The following TENM3 variants were observed in gnomAD, a reference collection of about 807,000 sequenced individuals.
The protein encoded by TENM3 is teneurin transmembrane protein 3.
In TENM3, 63 loss-of-function variants were observed where a neutral mutation model predicts 255.1. The ratio of observed to expected loss-of-function variants is 0.25; its 90% CI spans 0.20 to 0.30. The LOEUF is 0.30. TENM3 is among the 10% of genes least tolerant of loss of function. The pLI, the probability that TENM3 is intolerant of heterozygous loss-of-function variation, is 1.00. For synonymous variants in TENM3, 1,306 were observed against 1,322.3 expected (o/e 0.99, Z 0.27); for missense variants, 2,929 against 3,461.1 (o/e 0.85, Z 3.86).
intron 3 of TENM3, among the ~76,000 whole-genome samples, chr4:182,595,369 T>A (rs942767561): frequency 2.0e-5 from 3 of 152,126 alleles, no homozygotes; most frequent in African/African-American, 7.2e-5. Flanking sequence ...CCTGGTATAA[T>A]AGTCAACATA....
intron 1 of TENM3, among the ~76,000 whole-genome samples, chr4:182,215,041 C>T (rs939046478): frequency 2.6e-5 from 4 of 152,148 alleles, no homozygotes; most frequent in Non-Finnish European, 4.4e-5. Flanking sequence ...AGTCATTTCT[C>T]GTGATTACAG....
intron 3 of TENM3, 103 bp downstream of exon 3, chr4:182,347,032 C>A: frequency 1.0e-6 from 1 of 975,362 alleles, no homozygotes; most frequent in Non-Finnish European, 1.5e-6. Flanking sequence ...TTCCTCTCAT[C>A]CTTCTTTCTC....
At chr4:181,539,524 T>C in the TENM3 span, among the ~76,000 whole-genome samples, 2 of 152,198 alleles carry the variant, frequency 1.3e-5, no homozygotes, top group Non-Finnish European at 1.5e-5. Context: ...TAAAACTTAA[T>C]ACGTTTATTC....
intron 3 of TENM3, among the ~76,000 whole-genome samples, chr4:182,390,479 G>T (rs143136428): frequency 3.9e-5 from 6 of 152,126 alleles, no homozygotes; most frequent in Non-Finnish European, 8.8e-5. Flanking sequence ...AGCAGAAAAT[G>T]GTCAGCTTTG....
At chr4:181,916,421 G>A in the TENM3 span, among the ~76,000 whole-genome samples, 15 of 152,212 alleles carry the variant, frequency 9.9e-5, no homozygotes, top group African/African-American at 3.6e-4. Flanking sequence ...TAACACAGAA[G>A]AGTAATACAT....
At chr4:181,763,465 A>T in the TENM3 span, among the ~76,000 whole-genome samples, 1 of 152,246 alleles carries the variant, frequency 6.6e-6, no homozygotes, top group Non-Finnish European at 1.5e-5. Flanking sequence ...ATGGCCCATG[A>T]GCTAAGAAAT....
intron 3 of TENM3, among the ~76,000 whole-genome samples, chr4:182,520,614 C>T (rs1738473330): frequency 6.6e-6 from 1 of 152,124 alleles, no homozygotes; most frequent in Non-Finnish European, 1.5e-5. Flanking sequence ...GCTGGCACAA[C>T]AGCTTGGCTG....
chr4:182,097,371 C>A, the TENM3 span, among the ~76,000 whole-genome samples: 2 of 152,104 alleles, frequency 1.3e-5, no homozygotes, highest in Non-Finnish European at 2.9e-5. Flanking sequence ...TTTCTTCTTC[C>A]TTGTTTGTTA....
the TENM3 span, among the ~76,000 whole-genome samples, chr4:181,726,989 C>T: frequency 1.3e-5 from 2 of 152,182 alleles, no homozygotes; most frequent in African/African-American, 4.8e-5. Context: ...TGGAGAGATG[C>T]ATACAGAAGG....
the TENM3 span, among the ~76,000 whole-genome samples, chr4:181,628,540 C>T: frequency 1.3e-5 from 2 of 152,278 alleles, no homozygotes; most frequent in Admixed American, 6.5e-5. Context: ...CCAGTTTCAG[C>T]TTTCTACATA....
chr4:182,665,549 T>C (rs1234713015), intron 6 of TENM3, among the ~76,000 whole-genome samples: 1 of 152,182 alleles, frequency 6.6e-6, no homozygotes, highest in Non-Finnish European at 1.5e-5. Context: ...TTTGTAAGGC[T>C]ATCATAGATA....
At chr4:182,105,152 A>C in the TENM3 span, among the ~76,000 whole-genome samples, 2 of 152,144 alleles carry the variant, frequency 1.3e-5, no homozygotes, top group African/African-American at 4.8e-5. Context: ...AGTCCAGGCT[A>C]CAGTGACCTG....
At chr4:182,314,518 C>G (rs904968023) in intron 1 of TENM3, among the ~76,000 whole-genome samples, 3 of 152,216 alleles carry the variant, frequency 2.0e-5, no homozygotes, top group Admixed American at 6.5e-5. Context: ...ATTCCTCTAT[C>G]TGGTCTTGTC....
At chr4:181,783,485 T>G in the TENM3 span, among the ~76,000 whole-genome samples, 1 of 152,174 alleles carries the variant, frequency 6.6e-6, no homozygotes, top group Non-Finnish European at 1.5e-5. Flanking sequence ...TCCCCAAATG[T>G]TCACATTATT....
the TENM3 span, among the ~76,000 whole-genome samples, chr4:181,923,739 A>T: frequency 6.6e-6 from 1 of 152,146 alleles, no homozygotes; most frequent in African/African-American, 2.4e-5. Context: ...TAGCCTGGAA[A>T]CATCATTTGA....
rs73011423 is a variant in TENM3, at chr4:182,345,900, C to G, written c.233-751C>G. ...ATACTCCCACTTTATTTTTAGAGTG[C>G]ACTTTATTTGCAAAGATTGGTTTAC... is the stretch of plus-strand genomic sequence containing the variant. On this transcript the variant is annotated intron_variant, in intron 2 of 27. Coordinates refer to ENST00000511685, the MANE Select transcript of TENM3 (RefSeq NM_001080477.4). 2.1e-3 allele frequency among the ~76,000 whole-genome samples: 322 copies of G among 152,146 alleles called. 2 individuals are homozygous for G. Among genetic ancestry groups the G allele is most frequent in the African/African-American group, 7.6e-3 (314 of 41,524 alleles).
chr4:181,814,127 C>A, the TENM3 span, among the ~76,000 whole-genome samples: 1 of 152,076 alleles, frequency 6.6e-6, no homozygotes, highest in Non-Finnish European at 1.5e-5. Flanking sequence ...AAAATGGGGC[C>A]TTATGCTGCT....
At chr4:181,562,887 C>G in the TENM3 span, among the ~76,000 whole-genome samples, 2 of 152,064 alleles carry the variant, frequency 1.3e-5, no homozygotes, top group African/African-American at 4.8e-5. Flanking sequence ...GTTGGCCAGG[C>G]TGGTCTCGAA....
At chr4:181,582,618 G>T in the TENM3 span, among the ~76,000 whole-genome samples, 1 of 145,648 alleles carries the variant, frequency 6.9e-6, no homozygotes, top group Non-Finnish European at 1.5e-5. Flanking sequence ...CTGCACTCCA[G>T]CCTGGGCAAC....
Sources: gnomAD v4.1 joint callset for allele counts (sites outside exome capture counted in the v4.1 genomes callset) on GRCh38, gnomAD v4.1.1 for gene constraint, MANE v1.5 for transcripts, NCBI Gene and HGNC (gene_info 2026-07-23, HGNC 2026-07-21) for gene names.